Variants in PCDHA7 observed in about 807,000 individuals in gnomAD.
The protein encoded by PCDHA7 is protocadherin alpha-7.
PCDHA7 carries 37 observed loss-of-function variants against 57.2 expected under a neutral mutation model. The observed-to-expected ratio is 0.65, with a 90% CI of 0.50 to 0.85. The LOEUF is 0.85. Ranked by LOEUF, PCDHA7 falls within the 40% of genes least tolerant of loss-of-function variation. PCDHA7 has a pLI of 0.00. For missense variants in PCDHA7, 1,188 were observed against 1,241.8 expected, an observed-to-expected ratio of 0.96 and a Z score of 0.65; for synonymous variants, 553 against 558.8, an observed-to-expected ratio of 0.99 and a Z score of 0.15.
chr5:140,916,956 C>T (rs1554197714), intron 1 of PCDHA7, among the ~76,000 whole-genome samples: 1 of 152,220 alleles, frequency 6.6e-6, no homozygotes, highest in Non-Finnish European at 1.5e-5. Flanking sequence ...TTGCTGAGTT[C>T]TGACTGCTGG....
intron 1 of PCDHA7, among the ~76,000 whole-genome samples, chr5:140,880,789 A>G (rs917582554): frequency 1.3e-5 from 2 of 152,230 alleles, no homozygotes; most frequent in African/African-American, 4.8e-5. Flanking sequence ...TAGAGGAGTA[A>G]TATAAATAGG....
rs116814228 is a variant in PCDHA7, at chr5:140,916,284, C to T, written c.2356-62665C>T. ...AGAGCATGCTTGTTGCTCTACTCCACGTGGCCAAACTGGTACCAAAGGTGC... is the reference window on the plus strand; with the variant it reads ...AGAGCATGCTTGTTGCTCTACTCCATGTGGCCAAACTGGTACCAAAGGTGC... On this transcript the variant is annotated intron_variant, in intron 1 of 3. Coordinates refer to ENST00000525929, the MANE Select transcript of PCDHA7 (RefSeq NM_018910.3). Among the ~76,000 whole-genome samples the T allele has an allele frequency of 8.7e-3, 1,322 of 152,308 alleles. 14 individuals carry two copies. The highest frequency in any genetic ancestry group is 0.03 in the African/African-American group (1,254 of 41,566).
Position 140,835,890 on chromosome 5 carries a change from G to C in PCDHA7, c.1507G>C (p.Ala503Pro), listed in dbSNP as rs147416989. 5.6e-6 allele frequency: 9 copies of C among 1,611,850 alleles called. No individual in the cohort carries two copies. The Admixed American group carries it at 1.5e-4, about 27-fold the overall frequency. Residue 503 changes from alanine (A) to proline (P), a missense_variant, in exon 1 of 4, where the codon GCG becomes CCG. Transcript: ENST00000525929. ...SLVELRVGER[A>P]LSSYVSVHAE... is the part of the protein sequence containing the mutation. The stretch of plus-strand genomic sequence containing the variant: ...GGTGGAGCTGCGGGTGGGCGAGCGC[G>C]CGCTGTCGAGCTACGTGTCAGTGCA...
chr5:140,840,029 G>A (rs916611667), intron 1 of PCDHA7, among the ~76,000 whole-genome samples: 1 of 152,050 alleles, frequency 6.6e-6, no homozygotes, highest in African/African-American at 2.4e-5. Flanking sequence ...GTCACGTAGC[G>A]TATCTCCCAG....
chr5:140,938,207 A>G (rs782001361), intron 1 of PCDHA7, among the ~76,000 whole-genome samples: 6 of 152,112 alleles, frequency 3.9e-5, no homozygotes, highest in Non-Finnish European at 8.8e-5. Flanking sequence ...CAGCCTCCCA[A>G]AGTGCTGGGA....
intron 1 of PCDHA7, chr5:140,927,642 T>A: frequency 6.2e-7 from 1 of 1,614,156 alleles, no homozygotes; most frequent in Non-Finnish European, 8.5e-7. Flanking sequence ...CCAATGGGAC[T>A]GTGTTATTCC....
chr5:140,852,781 G>C lies in PCDHA7; in HGVS notation c.2355+16043G>C, dbSNP rs1213399832. 14 of 979,508 alleles carry C rather than the reference G, an allele frequency of 1.4e-5. 1 individual carries two copies. The highest frequency in any genetic ancestry group is 6.3e-5 in the Admixed American group (1 of 15,846). 60.7% of individuals were successfully genotyped at this position (979,508 alleles called of 1,614,324 possible). ...GGTATCTGATTATTTGATGTGAATA[G>C]AGGGATGCTACAGATGTCATTTGTC... On this transcript the variant is annotated intron_variant, in intron 1 of 3. Coordinates refer to ENST00000525929, the MANE Select transcript of PCDHA7 (RefSeq NM_018910.3).
In PCDHA7 at chr5:140,834,344, G is replaced by A. The variant is rs2150215547; in HGVS notation, c.-40G>A. 3 of 1,518,348 alleles carry A rather than the reference G, an allele frequency of 2.0e-6. No individual in the cohort carries two copies. The highest frequency in any genetic ancestry group is 1.8e-6 in the Non-Finnish European group (2 of 1,126,544). 94.1% of individuals were successfully genotyped at this position (1,518,348 alleles called of 1,614,324 possible). A position where few individuals can be genotyped will look rare whatever the true frequency, so the allele number is the denominator to read the frequency against. On this transcript the variant is annotated 5_prime_UTR_variant, in exon 1 of 4. Transcript: ENST00000525929. Reference sequence around the variant, plus strand: ...TAAAAACATTCCTATAAATTCGAAGGCAAGTTTTGCTGACTAGAAAAACAA... The same window carrying A: ...TAAAAACATTCCTATAAATTCGAAGACAAGTTTTGCTGACTAGAAAAACAA...
chr5:140,872,802 A>T (rs533671542), intron 1 of PCDHA7, among the ~76,000 whole-genome samples: 128 of 152,330 alleles, frequency 8.4e-4, no homozygotes, highest in Admixed American at 2.4e-3. Flanking sequence ...GCATTCTTCC[A>T]TAAGTTTTTC....
At chr5:140,877,163 C>T (rs782243946) in intron 1 of PCDHA7, 3 of 1,613,816 alleles carry the variant, frequency 1.9e-6, no homozygotes, top group Non-Finnish European at 2.5e-6. Context: ...AACGCGCCGG[C>T]ACTGCTGGCG....
Position 140,928,358 on chromosome 5 carries a change from CT to C in PCDHA7, c.2356-50590del, listed in dbSNP as rs782782118. 3.7e-6 allele frequency: 6 copies of C among 1,614,178 alleles called. No homozygotes were observed. In the Admixed American group the frequency reaches 1.0e-4, roughly 27 times the overall value. ...TCTTATGAGCTGTTGGATGTTATCT[CT>C]GAAGGGCCATCAGCCTCTAGCTTGC... On this transcript the variant is annotated intron_variant, in intron 1 of 3. Coordinates refer to ENST00000525929, the MANE Select transcript of PCDHA7 (RefSeq NM_018910.3).
chr5:140,842,822 G>T (rs2150345251), intron 1 of PCDHA7: 1 of 1,593,810 alleles, frequency 6.3e-7, no homozygotes. Context: ...GCGGGTGGGC[G>T]AGCGCTCGCT....
At chr5:140,996,200 A>G (rs1338736394) in intron 3 of PCDHA7, among the ~76,000 whole-genome samples, 1 of 152,236 alleles carries the variant, frequency 6.6e-6, no homozygotes, top group South Asian at 2.1e-4. Flanking sequence ...CCCTCAATGC[A>G]AGGATATCAC....
intron 1 of PCDHA7, among the ~76,000 whole-genome samples, chr5:140,896,034 C>T (rs2065325543): frequency 6.6e-6 from 1 of 152,192 alleles, no homozygotes; most frequent in South Asian, 2.1e-4. Flanking sequence ...TGGTCTCGAA[C>T]TCCTGACCTC....
intron 3 of PCDHA7, among the ~76,000 whole-genome samples, chr5:140,984,769 C>T (rs145432187): frequency 1.3e-5 from 2 of 152,194 alleles, no homozygotes; most frequent in African/African-American, 2.4e-5. Context: ...TAATCCCAAG[C>T]TTACTTGCTG....
At chr5:140,849,952 A>G (rs1413987636) in intron 1 of PCDHA7, 1 of 1,597,826 alleles carries the variant, frequency 6.3e-7, no homozygotes, top group Non-Finnish European at 8.6e-7. Context: ...GACGCGCAGG[A>G]GAACGCCCTG....
chr5:140,942,439 A>G (rs1554214983), intron 1 of PCDHA7, among the ~76,000 whole-genome samples: 1 of 152,082 alleles, frequency 6.6e-6, no homozygotes, highest in Non-Finnish European at 1.5e-5. Flanking sequence ...AACAATAAAC[A>G]AGTAAACTAT....
At chr5:140,838,075 ATAGTGTGTGTGTGT>A (rs1322257119) in intron 1 of PCDHA7, among the ~76,000 whole-genome samples, 7,901 of 128,220 alleles carry the variant, frequency 0.062, 356 homozygotes, top group Middle Eastern at 0.073. Flanking sequence ...TTATATATAT[ATAGTGTGTGTGTGT>A]GTGTGTGTGT....
At chr5:140,848,649 C>T in intron 1 of PCDHA7, 3 of 1,593,016 alleles carry the variant, frequency 1.9e-6, no homozygotes, top group Admixed American at 1.7e-5. Context: ...CGCGCAGGAC[C>T]TGGGGCTGGA....
Sources: gnomAD v4.1 joint callset for allele counts (sites outside exome capture counted in the v4.1 genomes callset) on GRCh38, gnomAD v4.1.1 for gene constraint, MANE v1.5 for transcripts, NCBI Gene and HGNC (gene_info 2026-07-23, HGNC 2026-07-21) for gene names.